Variants in SFT2D2 observed in about 807,000 individuals in gnomAD.
SFT2D2 encodes SFT2 domain containing 2.
In SFT2D2, 21 loss-of-function variants were observed where a neutral mutation model predicts 27.4. The ratio of observed to expected loss-of-function variants is 0.77; its 90% CI spans 0.54 to 1.10. The LOEUF (loss-of-function observed/expected upper bound fraction) is 1.10, where lower values mean the gene tolerates loss of function less well. Ranked by LOEUF, SFT2D2 falls within the 50% of genes least tolerant of loss-of-function variation. The pLI is 0.00. For missense variants in SFT2D2, 187 were observed against 194.2 expected (o/e 0.96, Z 0.22); for synonymous variants, 72 against 71.7 (o/e 1.00, Z -0.02).
intron 1 of SFT2D2, among the ~76,000 whole-genome samples, chr1:168,228,094 G>C (rs562795692): frequency 6.6e-6 from 1 of 152,348 alleles, no homozygotes; most frequent in East Asian, 1.9e-4. Context: ...CTCTTTCTGA[G>C]TGAGATTTCT....
rs1202735666 is a variant in SFT2D2 at position 168,243,406 on chromosome 1, T to G, written c.*866T>G. On this transcript the variant is annotated 3_prime_UTR_variant, in exon 8 of 8. Coordinates refer to ENST00000271375, the MANE Select transcript of SFT2D2 (RefSeq NM_199344.3). Reference sequence around the variant, plus strand: ...AATGTTTGCTTTTAAACTGATTTTATTTTCCATTCTCCCCTGGAGTTGGGC... The same window carrying G: ...AATGTTTGCTTTTAAACTGATTTTAGTTTCCATTCTCCCCTGGAGTTGGGC... The G allele has an allele frequency of 6.6e-6, 1 of 152,168 alleles. No individual in the cohort carries two copies. The highest frequency in any genetic ancestry group is 1.5e-5 in the Non-Finnish European group (1 of 68,022). The allele number at this position is 152,168 out of a possible 1,614,324, so 9.4% of individuals were successfully genotyped here. A position where few individuals can be genotyped will look rare whatever the true frequency, so the allele number is the denominator to read the frequency against.
chr1:168,229,508 T>G (rs1171776737), intron 1 of SFT2D2: 1 of 152,316 alleles, frequency 6.6e-6, no homozygotes, highest in African/African-American at 2.4e-5. Flanking sequence ...ACTACCACTT[T>G]TTTCTTGCTG....
Position 168,236,723 on chromosome 1 carries a change from G to T in SFT2D2, c.366G>T (p.Lys122Asn), listed in dbSNP as rs1345028032. ...TLCSAFWWHN[K>N]GLALIFCILQ... ...TATTATTTTTCCAGTGGCATAACAA[G>T]GGACTTGCACTTATCTTCTGCATTT... The change falls in exon 6 of 8, where the codon AAG (lysine) becomes AAT (asparagine). Residue 122 changes from lysine to asparagine, a missense_variant. Coordinates refer to ENST00000271375, the MANE Select transcript of SFT2D2 (RefSeq NM_199344.3). 1 of 1,614,162 alleles carries T rather than the reference G, an allele frequency of 6.2e-7. No homozygotes were observed. The highest frequency in any genetic ancestry group is 8.5e-7 in the Non-Finnish European group (1 of 1,180,042).
chr1:168,246,859 C>A lies in SFT2D2; in HGVS notation c.*4319C>A, dbSNP rs1558180160. ...TTCTGTTTTAGAGCCTTTTGAAGGT[C>A]TTCATGCTTTCTTTTTATAATTTCA... On this transcript the variant is annotated 3_prime_UTR_variant, in exon 8 of 8. Transcript: ENST00000271375. 3.1e-6 allele frequency: 2 copies of A among 645,076 alleles called. No homozygotes were observed. The highest frequency in any genetic ancestry group is 4.5e-5 in the Admixed American group (2 of 44,726). The allele number at this position is 645,076 out of a possible 1,614,324, so 40.0% of individuals were successfully genotyped here. A position where few individuals can be genotyped will look rare whatever the true frequency, so the allele number is the denominator to read the frequency against.
chr1:168,237,731 G>C (rs957985579), intron 6 of SFT2D2, among the ~76,000 whole-genome samples: 2 of 152,088 alleles, frequency 1.3e-5, no homozygotes, highest in African/African-American at 4.8e-5. Context: ...TTGGACTTTT[G>C]AATAAATATA....
chr1:168,251,548 T>G lies in SFT2D2; in HGVS notation c.*9008T>G, dbSNP rs915654214. ...TCTACGCCAGGCTTTATTTTCTCTT[T>G]GCTCAGATAACTTCTGACTAGAGTC... On this transcript the variant is annotated 3_prime_UTR_variant, in exon 8 of 8. Transcript: ENST00000271375. The G allele has an allele frequency of 6.6e-6, 1 of 152,190 alleles. No homozygotes were observed. The allele number at this position is 152,190 out of a possible 1,614,324, so 9.4% of individuals were successfully genotyped here.
rs1007054760 is a variant in SFT2D2, at chr1:168,243,734, A to C, written c.*1194A>C. On this transcript the variant is annotated 3_prime_UTR_variant, in exon 8 of 8. Transcript: ENST00000271375. ...TGGATCCACCCAAAGCCACAGCTTCAGCCTCCTTCATGACCCCAGAGTTTC... is the reference window on the plus strand; with the variant it reads ...TGGATCCACCCAAAGCCACAGCTTCCGCCTCCTTCATGACCCCAGAGTTTC... 2.0e-5 allele frequency: 3 copies of C among 152,722 alleles called. No homozygotes were observed. The highest frequency in any genetic ancestry group is 4.4e-5 in the Non-Finnish European group (3 of 68,424). The allele number at this position is 152,722 out of a possible 1,614,324, so 9.5% of individuals were successfully genotyped here.
intron 4 of SFT2D2, 99 bp downstream of exon 4, chr1:168,235,281 C>A: frequency 8.5e-7 from 1 of 1,178,850 alleles, no homozygotes; most frequent in Non-Finnish European, 1.3e-6. Flanking sequence ...TTCTCTTTTT[C>A]CGTTCAGCTT....
intron 1 of SFT2D2, among the ~76,000 whole-genome samples, chr1:168,231,198 C>T (rs958347012): frequency 6.6e-6 from 1 of 152,136 alleles, no homozygotes; most frequent in African/African-American, 2.4e-5. Context: ...TGTAGGAAGG[C>T]TCTGGGCTAC....
At chr1:168,236,957 A>G (rs1304497284) in intron 6 of SFT2D2, among the ~76,000 whole-genome samples, 187 bp downstream of exon 6, 1 of 152,228 alleles carries the variant, frequency 6.6e-6, no homozygotes, top group African/African-American at 2.4e-5. Context: ...CCCACTGCCA[A>G]TAGATGGCAT....
chr1:168,235,304 T>A, intron 4 of SFT2D2, 122 bp downstream of exon 4: 1 of 918,674 alleles, frequency 1.1e-6, no homozygotes, highest in Admixed American at 1.9e-5. Context: ...CTTATTACCC[T>A]ATTCCTATAA....
intron 1 of SFT2D2, among the ~76,000 whole-genome samples, chr1:168,230,697 A>G (rs1259370905): frequency 6.6e-6 from 1 of 151,854 alleles, no homozygotes; most frequent in African/African-American, 2.4e-5. Context: ...CTGGTCTCGA[A>G]CTCCTGACCT....
chr1:168,251,150 A>G lies in SFT2D2; in HGVS notation c.*8610A>G, dbSNP rs554122535. ...AAAACCCCATCTCTACAAAAAATAC[A>G]ACAGCAAAAAAATCAGCCAGGCTAG... On this transcript the variant is annotated 3_prime_UTR_variant, in exon 8 of 8. Coordinates refer to ENST00000271375, the MANE Select transcript of SFT2D2 (RefSeq NM_199344.3). 6.6e-5 allele frequency: 10 copies of G among 152,168 alleles called. No individual in the cohort carries two copies. The highest frequency in any genetic ancestry group is 2.4e-4 in the African/African-American group (10 of 41,502). The allele number at this position is 152,168 out of a possible 1,614,324, so 9.4% of individuals were successfully genotyped here.
chr1:168,247,073 CT>C lies in SFT2D2; in HGVS notation c.*4541del, dbSNP rs1439762150. ...AAGTTTTTGATATTCTGTGATATTT[CT>C]TTTTTTTCAGATAGTCTCTTTTGTA... is the stretch of plus-strand genomic sequence containing the variant. On this transcript the variant is annotated 3_prime_UTR_variant, in exon 8 of 8. Coordinates refer to ENST00000271375, the MANE Select transcript of SFT2D2 (RefSeq NM_199344.3). The C allele has an allele frequency of 2.0e-5, 8 of 397,570 alleles. No homozygotes were observed. Among genetic ancestry groups the C allele is most frequent in the Non-Finnish European group, 3.5e-5 (7 of 200,542 alleles). The allele number at this position is 397,570 out of a possible 1,614,324, so 24.6% of individuals were successfully genotyped here.
rs188989436 is a variant in SFT2D2, at chr1:168,242,838, T to G, written c.*298T>G. The G allele has an allele frequency of 1.6e-4, 65 of 400,888 alleles. No homozygotes were observed. Among genetic ancestry groups the G allele is most frequent in the Admixed American group, 1.6e-3 (43 of 27,702 alleles). The allele number at this position is 400,888 out of a possible 1,614,324, so 24.8% of individuals were successfully genotyped here. A position where few individuals can be genotyped will look rare whatever the true frequency, so the allele number is the denominator to read the frequency against. ...CTGAATTCCCATGAATACAAACCTATTCAGCAACAGCACATAAGCCTTGGG... is the reference window on the plus strand; with the variant it reads ...CTGAATTCCCATGAATACAAACCTAGTCAGCAACAGCACATAAGCCTTGGG... On this transcript the variant is annotated 3_prime_UTR_variant, in exon 8 of 8. Coordinates refer to ENST00000271375, the MANE Select transcript of SFT2D2 (RefSeq NM_199344.3).
intron 1 of SFT2D2, among the ~76,000 whole-genome samples, chr1:168,227,389 T>C (rs1351378785): frequency 1.3e-5 from 2 of 152,214 alleles, no homozygotes; most frequent in Non-Finnish European, 2.9e-5. Context: ...GCAAGCTGCT[T>C]TCACCCACGT....
intron 1 of SFT2D2, among the ~76,000 whole-genome samples, chr1:168,227,073 G>C (rs1328031125): frequency 6.6e-6 from 1 of 152,132 alleles, no homozygotes; most frequent in African/African-American, 2.4e-5. Flanking sequence ...GCCCACCTCT[G>C]CCTCCCAAAG....
intron 1 of SFT2D2, 67 bp downstream of exon 1, chr1:168,226,209 T>A (rs1700457125): frequency 1.4e-6 from 2 of 1,418,476 alleles, no homozygotes; most frequent in African/African-American, 1.5e-5. Context: ...TGCCCGGGCC[T>A]GGGAAGCCTG....
At position 168,229,021 on chromosome 1, in the gene SFT2D2, G is replaced by C. The variant is rs2102327635; in HGVS notation, c.64-2493G>C. 3.3e-5 allele frequency among the ~76,000 whole-genome samples: 5 copies of C among 152,342 alleles called. No individual in the cohort carries two copies. The Middle Eastern group carries it at 0.017, about 522-fold the overall frequency. On this transcript the variant is annotated intron_variant, in intron 1 of 7. Coordinates refer to ENST00000271375, the MANE Select transcript of SFT2D2 (RefSeq NM_199344.3). Reference sequence around the variant, plus strand: ...ACCAAGTGTGAATGTAAAAGAACTTGCAACCACATGTAATGGAAAAATACA... The same window carrying C: ...ACCAAGTGTGAATGTAAAAGAACTTCCAACCACATGTAATGGAAAAATACA...
Sources: allele counts gnomAD v4.1 joint callset (sites outside exome capture counted in the v4.1 genomes callset), GRCh38; gene constraint gnomAD v4.1.1; transcripts MANE v1.5; gene names NCBI Gene and HGNC (gene_info 2026-07-23, HGNC 2026-07-21).